The following ELP1 variants were observed in gnomAD, a reference collection of about 807,000 sequenced individuals.
ELP1 encodes elongator complex protein 1.
Under a neutral mutation model 183.2 loss-of-function variants are expected in ELP1, and 131 were observed. The observed-to-expected ratio is 0.72, with a 90% CI of 0.62 to 0.83. The LOEUF is 0.83. ELP1 is among the 40% of genes least tolerant of loss of function. ELP1 has a pLI of 0.00. For synonymous variants in ELP1, 555 were observed against 569.0 expected (o/e 0.98, Z 0.35); for missense variants, 1,550 against 1,594.9 (o/e 0.97, Z 0.48).
intron 13 of ELP1, among the ~76,000 whole-genome samples, chr9:108,906,768 A>C (rs1028593632): frequency 6.6e-6 from 1 of 152,150 alleles, no homozygotes; most frequent in Admixed American, 6.5e-5. Flanking sequence ...TACCAGCCCT[A>C]GTCCCTACAC....
In ELP1 at chr9:108,919,393, T is replaced by C. The variant is rs776239281; in HGVS notation, c.553-44A>G. On this transcript the variant is annotated intron_variant, in intron 6 of 36. Transcript: ENST00000374647. ...ACCAATATTACTGGGGGACCTTAAG[T>C]ATCCCAGAATCAAACAAGCCTCAGA... The C allele has an allele frequency of 3.8e-6, 5 of 1,324,934 alleles. No individual in the cohort carries two copies. In the South Asian group the frequency reaches 5.9e-5, roughly 16 times the overall value. The allele number at this position is 1,324,934 out of a possible 1,614,324, so 82.1% of individuals were successfully genotyped here. A position where few individuals can be genotyped will look rare whatever the true frequency, so the allele number is the denominator to read the frequency against.
chr9:108,874,879 G>C lies in ELP1; in HGVS notation c.3931+16C>G. On this transcript the variant is annotated intron_variant, in intron 36 of 36. Coordinates refer to ENST00000374647, the MANE Select transcript of ELP1 (RefSeq NM_003640.5). ...TCTGCTTAGTATTGTAATATTAAAT[G>C]AGAAAAAATACTAACCAAGAACAGG... 3 of 1,531,266 alleles carry C rather than the reference G, an allele frequency of 2.0e-6. No homozygotes were observed. The highest frequency in any genetic ancestry group is 2.7e-5 in the African/African-American group (2 of 73,356). The allele number at this position is 1,531,266 out of a possible 1,614,324, so 94.9% of individuals were successfully genotyped here.
intron 11 of ELP1, 147 bp from the exon 12 acceptor site, chr9:108,911,327 C>T: frequency 2.4e-6 from 2 of 827,984 alleles, no homozygotes; most frequent in Non-Finnish European, 4.0e-6. Flanking sequence ...AGTCTAAAAA[C>T]AGTGTGGGAT....
intron 35 of ELP1, among the ~76,000 whole-genome samples, chr9:108,876,731 C>CTTT (rs35897844): frequency 1.4e-5 from 2 of 138,410 alleles, no homozygotes; most frequent in East Asian, 2.1e-4. Flanking sequence ...GATTGGCTGG[C>CTTT]TTTTTTTTTT....
chr9:108,918,769 T>G, intron 8 of ELP1, 42 bp downstream of exon 8: 1 of 1,400,720 alleles, frequency 7.1e-7, no homozygotes, highest in Non-Finnish European at 1.0e-6. Context: ...CCACCTCTAC[T>G]CTGGTTCCAA....
At chr9:108,880,286 C>T in intron 31 of ELP1, 121 bp from the exon 32 acceptor site, 1 of 709,674 alleles carries the variant, frequency 1.4e-6, no homozygotes. Flanking sequence ...ACTAGGTTTT[C>T]CAAGCGAGCT....
At chr9:108,900,221 ACAAT>A (rs1436764535) in intron 19 of ELP1, 35 bp downstream of exon 19, 1 of 1,358,662 alleles carries the variant, frequency 7.4e-7, no homozygotes, top group Non-Finnish European at 1.1e-6. Flanking sequence ...TGGCTGAATG[ACAAT>A]CAGACTATCT....
intron 28 of ELP1, among the ~76,000 whole-genome samples, chr9:108,889,943 G>T (rs568002023): frequency 6.6e-4 from 100 of 152,312 alleles, no homozygotes; most frequent in Non-Finnish European, 9.1e-4. Flanking sequence ...TTGCTCTCTT[G>T]TGTAAACTGC....
At chr9:108,913,846 C>T (rs555803899) in intron 10 of ELP1, among the ~76,000 whole-genome samples, 17 of 152,252 alleles carry the variant, frequency 1.1e-4, no homozygotes, top group African/African-American at 3.9e-4. Context: ...AGGGTTTCAT[C>T]CTGTGCAATA....
intron 14 of ELP1, among the ~76,000 whole-genome samples, chr9:108,905,703 C>T (rs984509411): frequency 6.6e-6 from 1 of 152,108 alleles, no homozygotes; most frequent in Non-Finnish European, 1.5e-5. Context: ...TCATAGAGTA[C>T]TTACACAAAC....
At chr9:108,897,493 G>C (rs1828602963) in intron 22 of ELP1, among the ~76,000 whole-genome samples, 1 of 152,046 alleles carries the variant, frequency 6.6e-6, no homozygotes, top group Non-Finnish European at 1.5e-5. Flanking sequence ...CCCCAAACAG[G>C]GTAGTACAAT....
intron 5 of ELP1, among the ~76,000 whole-genome samples, chr9:108,924,021 T>C (rs1172175495): frequency 6.6e-6 from 1 of 152,238 alleles, no homozygotes; most frequent in African/African-American, 2.4e-5. Flanking sequence ...CCTCAATTGC[T>C]GCTGCGTACA....
chr9:108,892,510 A>G (rs1360173746), intron 27 of ELP1, among the ~76,000 whole-genome samples: 4 of 152,192 alleles, frequency 2.6e-5, no homozygotes, highest in Non-Finnish European at 5.9e-5. Flanking sequence ...CAGGTCCAGC[A>G]CTTTGTAGCT....
intron 34 of ELP1, 87 bp downstream of exon 34, chr9:108,878,536 C>T: frequency 1.3e-6 from 2 of 1,547,684 alleles, no homozygotes; most frequent in South Asian, 1.1e-5. Context: ...AAAATGGTAG[C>T]TTAATCACCT....
chr9:108,906,543 C>T (rs559988700), intron 13 of ELP1, 58 bp from the exon 14 acceptor site: 173 of 1,455,296 alleles, frequency 1.2e-4, no homozygotes, highest in South Asian at 7.2e-4. Flanking sequence ...ACCACTGAGA[C>T]GTTCCTGGAT....
chr9:108,883,252 C>T (rs892075264), intron 29 of ELP1, among the ~76,000 whole-genome samples: 1 of 152,228 alleles, frequency 6.6e-6, no homozygotes, highest in African/African-American at 2.4e-5. Context: ...CAGTCTCAAA[C>T]TTACAGGCTC....
intron 27 of ELP1, 123 bp from the exon 28 acceptor site, chr9:108,891,527 T>TA (rs1205589005): frequency 2.3e-6 from 2 of 869,912 alleles, no homozygotes; most frequent in African/African-American, 3.3e-5. Flanking sequence ...GGGAAAATCT[T>TA]ACAGTTGATC....
intron 32 of ELP1, 54 bp from the exon 33 acceptor site, chr9:108,879,611 T>A: frequency 7.7e-7 from 1 of 1,300,078 alleles, no homozygotes; most frequent in South Asian, 1.2e-5. Flanking sequence ...ATGTGTGGGT[T>A]TACTTTCAGG....
intron 24 of ELP1, among the ~76,000 whole-genome samples, 154 bp downstream of exon 24, chr9:108,896,799 C>T (rs898323895): frequency 2.6e-5 from 4 of 151,978 alleles, no homozygotes; most frequent in Non-Finnish European, 5.9e-5. Context: ...CTTTAGAGGG[C>T]AGCACTGAAA....
Sources: allele counts gnomAD v4.1 joint callset (sites outside exome capture counted in the v4.1 genomes callset), GRCh38; gene constraint gnomAD v4.1.1; transcripts MANE v1.5; gene names NCBI Gene and HGNC (gene_info 2026-07-23, HGNC 2026-07-21).